The following KYNU variants were observed in gnomAD, a reference collection of about 807,000 sequenced individuals.
The protein encoded by KYNU is L-kynurenine hydrolase.
A neutral mutation model predicts 59.2 loss-of-function variants in KYNU; 54 were observed. The observed-to-expected ratio is 0.91, with a 90% CI of 0.73 to 1.14. The LOEUF (loss-of-function observed/expected upper bound fraction) is 1.14. Ranked by LOEUF, KYNU falls within the 50% of genes most tolerant of loss-of-function variation. KYNU has a pLI of 0.00. For synonymous variants in KYNU, 177 were observed against 192.0 expected, an observed-to-expected ratio of 0.92 and a Z score of 0.65; for missense variants, 567 against 554.4, an observed-to-expected ratio of 1.02 and a Z score of -0.23.
chr2:143,034,544 A>T (rs1031665047), intron 12 of KYNU, among the ~76,000 whole-genome samples: 16 of 152,172 alleles, frequency 1.1e-4, no homozygotes, highest in Non-Finnish European at 1.3e-4. Context: ...TCTCAATTTA[A>T]AGCGCACCTA....
At chr2:142,892,116 G>A (rs1681737137) in intron 2 of KYNU, among the ~76,000 whole-genome samples, 1 of 152,188 alleles carries the variant, frequency 6.6e-6, no homozygotes, top group Non-Finnish European at 1.5e-5. Context: ...GTTTCACCAT[G>A]TTGCCCATGC....
chr2:143,015,728 G>A (rs538964789), intron 10 of KYNU, among the ~76,000 whole-genome samples: 9 of 151,908 alleles, frequency 5.9e-5, no homozygotes, highest in East Asian at 5.8e-4. Context: ...ATTTGTGAGC[G>A]TATAAATGAG....
At chr2:143,023,272 G>T (rs1686457870) in intron 10 of KYNU, among the ~76,000 whole-genome samples, 1 of 151,726 alleles carries the variant, frequency 6.6e-6, no homozygotes. Flanking sequence ...AGGTAATTGA[G>T]TCTTTTCATT....
chr2:142,954,847 G>C lies in KYNU; in HGVS notation c.411G>C (p.Leu137Phe), dbSNP rs1684112397. ...NEKEIALMNALTVNLHLLMLS... is the reference protein window; with the variant it reads ...NEKEIALMNAFTVNLHLLMLS... ...AAGAAATAGCCCTAATGAATGCTTT[G>C]ACTGTAAATTTACATCTTCTAATGG... The change falls in exon 5 of 14, where the codon TTG (leucine) becomes TTC (phenylalanine). Residue 137 changes from leucine (L) to phenylalanine (F), a missense_variant. Physicochemically the swap from Leu to Phe is conservative, Grantham distance 22. Coordinates refer to ENST00000264170, the MANE Select transcript of KYNU (RefSeq NM_003937.3). 1 of 1,598,970 alleles carries C rather than the reference G, an allele frequency of 6.3e-7. No individual in the cohort carries two copies.
intron 8 of KYNU, among the ~76,000 whole-genome samples, chr2:142,965,900 TC>T (rs1684513203): frequency 6.6e-6 from 1 of 152,132 alleles, no homozygotes; most frequent in South Asian, 2.1e-4. Flanking sequence ...CTTTCATTGC[TC>T]CTTTTTCCTT....
intron 2 of KYNU, among the ~76,000 whole-genome samples, chr2:142,891,358 A>AT (rs975554248): frequency 1.3e-5 from 2 of 151,892 alleles, no homozygotes; most frequent in African/African-American, 4.8e-5. Flanking sequence ...AACTCAAAGA[A>AT]TTTTTTTACT....
intron 1 of KYNU, among the ~76,000 whole-genome samples, chr2:142,879,959 T>G (rs1016580932): frequency 1.3e-5 from 2 of 152,180 alleles, no homozygotes; most frequent in Non-Finnish European, 2.9e-5. Context: ...CCAAAGAAAG[T>G]CTCAAATATA....
At chr2:142,980,499 C>A (rs1268763699) in intron 8 of KYNU, among the ~76,000 whole-genome samples, 1 of 152,094 alleles carries the variant, frequency 6.6e-6, no homozygotes, top group African/African-American at 2.4e-5. Context: ...GATTCAAACA[C>A]CTCTGATAAC....
intron 1 of KYNU, among the ~76,000 whole-genome samples, chr2:142,881,975 A>AAACTC (rs1206589533): frequency 7.2e-6 from 1 of 138,132 alleles, no homozygotes; most frequent in African/African-American, 2.9e-5. Flanking sequence ...GACTGGTCTC[A>AAACTC]AACTCCTGGC....
chr2:142,993,973 G>A (rs1036368809), intron 10 of KYNU, among the ~76,000 whole-genome samples: 1 of 151,820 alleles, frequency 6.6e-6, no homozygotes, highest in African/African-American at 2.4e-5. Context: ...AGATATATAG[G>A]GTCAATGAAC....
chr2:143,029,834 G>A (rs1686692029), intron 11 of KYNU, among the ~76,000 whole-genome samples, 155 bp downstream of exon 11: 1 of 152,188 alleles, frequency 6.6e-6, no homozygotes, highest in Admixed American at 6.5e-5. Context: ...TTTCCAGAGT[G>A]TAAGACTAAG....
intron 6 of KYNU, 117 bp from the exon 7 acceptor site, chr2:142,957,524 C>T: frequency 1.4e-6 from 1 of 689,698 alleles, no homozygotes; most frequent in South Asian, 1.6e-5. Flanking sequence ...GGTGTTTTAA[C>T]CTTCACCTTG....
intron 8 of KYNU, among the ~76,000 whole-genome samples, chr2:142,968,486 G>A (rs12993448): frequency 0.011 from 1,669 of 152,178 alleles, 14 homozygotes; most frequent in Middle Eastern, 0.02. Flanking sequence ...GCCATTGAAA[G>A]GTTTTAGCCA....
chr2:142,994,465 C>T (rs1685483414), intron 10 of KYNU, among the ~76,000 whole-genome samples: 2 of 152,066 alleles, frequency 1.3e-5, no homozygotes, highest in Admixed American at 6.6e-5. Flanking sequence ...CTATTGTCCT[C>T]ATGACCAACT....
intron 10 of KYNU, among the ~76,000 whole-genome samples, chr2:143,008,341 T>G: frequency 8.9e-6 from 1 of 112,228 alleles, no homozygotes; most frequent in African/African-American, 4.1e-5. Flanking sequence ...AGGGATCAAT[T>G]CAACAAGAAG....
At chr2:142,915,915 C>G (rs1054921549) in intron 2 of KYNU, among the ~76,000 whole-genome samples, 1 of 151,920 alleles carries the variant, frequency 6.6e-6, no homozygotes, top group African/African-American at 2.4e-5. Context: ...TAGAGTGGGC[C>G]CTAATTCAAT....
In KYNU at chr2:143,042,610, A is replaced by G. The variant is rs1227140442; in HGVS notation, c.*438A>G. ...TATATATATATATATATATATATAT[A>G]TATATATATATATATATATATGTGT... is the stretch of plus-strand genomic sequence containing the variant. On this transcript the variant is annotated 3_prime_UTR_variant, in exon 14 of 14. Coordinates refer to ENST00000264170, the MANE Select transcript of KYNU (RefSeq NM_003937.3). The G allele has an allele frequency of 0.14, 1,380 of 9,828 alleles. 25 individuals are homozygous for G. Among genetic ancestry groups the G allele is most frequent in the South Asian group, 0.35 (171 of 484 alleles). The allele number at this position is 9,828 out of a possible 1,614,324, so 0.6% of individuals were successfully genotyped here. A position where few individuals can be genotyped will look rare whatever the true frequency, so the allele number is the denominator to read the frequency against.
chr2:143,024,166 T>C (rs1014097907), intron 10 of KYNU, among the ~76,000 whole-genome samples: 1 of 151,928 alleles, frequency 6.6e-6, no homozygotes, highest in Non-Finnish European at 1.5e-5. Flanking sequence ...ATATTCACTT[T>C]GTATTCTTAG....
chr2:142,939,930 C>G (rs1413967037), intron 4 of KYNU, among the ~76,000 whole-genome samples: 5 of 152,104 alleles, frequency 3.3e-5, no homozygotes, highest in South Asian at 4.2e-4. Flanking sequence ...GGTCTGGAAC[C>G]CAGGGCCAGA....
Sources: gnomAD v4.1 joint callset for allele counts (sites outside exome capture counted in the v4.1 genomes callset) on GRCh38, gnomAD v4.1.1 for gene constraint, MANE v1.5 for transcripts, NCBI Gene and HGNC (gene_info 2026-07-23, HGNC 2026-07-21) for gene names.